WNK2: variants seen among roughly 807,000 people sequenced by gnomAD.
WNK2 encodes WNK lysine deficient protein kinase 2.
Under a neutral mutation model 192.1 loss-of-function variants are expected in WNK2, and 67 were observed. That is an observed-to-expected ratio of 0.35 (90% CI 0.29 to 0.43). WNK2 has a LOEUF of 0.43. Ranked by LOEUF, WNK2 falls within the 20% of genes least tolerant of loss-of-function variation. The pLI is 1.00. For synonymous variants in WNK2, 1,439 were observed against 1,393.9 expected (o/e 1.03, Z -0.72); for missense variants, 2,698 against 3,089.7 (o/e 0.87, Z 3.01).
rs112930978 is a variant in WNK2, at chr9:93,254,396, G to A, written c.2034+1314G>A. On this transcript the variant is annotated intron_variant, in intron 9 of 29. Coordinates refer to ENST00000427277, the MANE Select transcript of WNK2 (RefSeq NM_006648.4). Reference sequence around the variant, plus strand: ...ACTCGCACACTCAGCGCTGTGGCCCGTCTTCTTGATGTCGGCTGAGCGTGG... The same window carrying A: ...ACTCGCACACTCAGCGCTGTGGCCCATCTTCTTGATGTCGGCTGAGCGTGG... Among the ~76,000 whole-genome samples, 206 of 152,328 alleles carry A rather than the reference G, an allele frequency of 1.4e-3. 1 individual carries two copies. Among genetic ancestry groups the A allele is most frequent in the African/African-American group, 4.4e-3 (185 of 41,580 alleles).
chr9:93,284,035 C>G (rs544153885), intron 19 of WNK2, among the ~76,000 whole-genome samples: 1 of 152,286 alleles, frequency 6.6e-6, no homozygotes, highest in South Asian at 2.1e-4. Flanking sequence ...ATGTTTGGAC[C>G]TCTTGGCCTC....
At chr9:93,320,159 T>C (rs1300027109) in intron 29 of WNK2, among the ~76,000 whole-genome samples, 4 of 152,220 alleles carry the variant, frequency 2.6e-5, no homozygotes, top group Non-Finnish European at 5.9e-5. Flanking sequence ...TTCAGTGTGC[T>C]GACTGGTCAC....
In WNK2 at chr9:93,320,275, G is replaced by A. The variant is rs1434472051; in HGVS notation, c.6629-92G>A. On this transcript the variant is annotated intron_variant, in intron 29 of 29. Transcript: ENST00000427277. ...GCAGAGCTGGCGCAGCCTTCCCGTC[G>A]GCAGCTCCTGGGAGGGTGTCAGGGC... is the stretch of plus-strand genomic sequence containing the variant. The A allele has an allele frequency of 2.1e-5, 28 of 1,335,162 alleles. No individual in the cohort carries two copies. In the Admixed American group the frequency reaches 3.3e-4, roughly 16 times the overall value. The allele number at this position is 1,335,162 out of a possible 1,614,324, so 82.7% of individuals were successfully genotyped here. A position where few individuals can be genotyped will look rare whatever the true frequency, so the allele number is the denominator to read the frequency against.
In WNK2 at chr9:93,244,805, C is replaced by G. The variant is rs150401999; in HGVS notation, c.1543-2738C>G. Among the ~76,000 whole-genome samples the G allele has an allele frequency of 3.6e-3, 552 of 152,342 alleles. 3 individuals carry two copies. Among genetic ancestry groups the G allele is most frequent in the African/African-American group, 0.013 (536 of 41,578 alleles). On this transcript the variant is annotated intron_variant, in intron 7 of 29. Transcript: ENST00000427277. ...CTGCCTCGGCCTCCCTGTGAGACCC[C>G]CTAGGGTTGGAGCCCGTTCTCTGAG...
intron 7 of WNK2, among the ~76,000 whole-genome samples, chr9:93,244,957 AC>A (rs1841428431): frequency 6.6e-6 from 1 of 152,030 alleles, no homozygotes. Context: ...GCCAGCGGCA[AC>A]CCTGAGTGTA....
chr9:93,190,108 T>C (rs774911191), intron 2 of WNK2, among the ~76,000 whole-genome samples: 1 of 152,226 alleles, frequency 6.6e-6, no homozygotes, highest in African/African-American at 2.4e-5. Context: ...CTGGGCGAGA[T>C]GTTTTCTGCA....
At chr9:93,238,661 T>C (rs1588110264) in intron 6 of WNK2, among the ~76,000 whole-genome samples, 1 of 152,254 alleles carries the variant, frequency 6.6e-6, no homozygotes, top group African/African-American at 2.4e-5. Flanking sequence ...GGGGCTTCTC[T>C]CCAGCCTCTC....
Position 93,259,515 on chromosome 9 carries a change from AC to A in WNK2, c.2969del (p.Pro990LeufsTer124). On this transcript the variant is annotated frameshift_variant, in exon 12 of 30. Transcript: ENST00000427277. LOFTEE classifies it high-confidence loss of function. The surrounding 1 kb of genome is among the most constrained non-coding windows in gnomAD (Gnocchi z 4.8). ...LPPQPMLPPQ[P>X]VLPPQPALPV... is the part of the protein sequence containing the mutation. ...CCCCGCAACCCATGCTGCCCCCACA[AC>A]CTGTGCTGCCCCCGCAGCCGGCACT... is the stretch of plus-strand genomic sequence containing the variant. 1 of 1,468,892 alleles carries A rather than the reference AC, an allele frequency of 6.8e-7. No individual in the cohort carries two copies. The highest frequency in any genetic ancestry group is 9.1e-7 in the Non-Finnish European group (1 of 1,103,754). The allele number at this position is 1,468,892 out of a possible 1,614,324, so 91.0% of individuals were successfully genotyped here. A position where few individuals can be genotyped will look rare whatever the true frequency, so the allele number is the denominator to read the frequency against.
chr9:93,319,180 G>A (rs1250838670), intron 29 of WNK2: 13 of 1,613,540 alleles, frequency 8.1e-6, no homozygotes, highest in Non-Finnish European at 1.1e-5. Context: ...TATATCTGAA[G>A]GAGAAAAATA....
At chr9:93,237,496 G>A (rs569567921) in intron 5 of WNK2, among the ~76,000 whole-genome samples, 2 of 152,256 alleles carry the variant, frequency 1.3e-5, no homozygotes, top group Admixed American at 6.5e-5. Flanking sequence ...GTTCTATTTG[G>A]TTCTGTTTTT....
chr9:93,187,398 G>A (rs887856535), intron 2 of WNK2, among the ~76,000 whole-genome samples: 2 of 152,134 alleles, frequency 1.3e-5, no homozygotes, highest in Non-Finnish European at 2.9e-5. Context: ...ATATGTTGAT[G>A]TTCCTTGCCA....
At position 93,312,398 on chromosome 9, in the gene WNK2, T is replaced by C. The variant is rs554209208; in HGVS notation, c.6516+3814T>C. Reference sequence around the variant, plus strand: ...TGATTTTTTTTCTTTTTTCCTGAGATTGTGTCTCACTCTGTCGCCAGGCTG... The same window carrying C: ...TGATTTTTTTTCTTTTTTCCTGAGACTGTGTCTCACTCTGTCGCCAGGCTG... On this transcript the variant is annotated intron_variant, in intron 28 of 29. Coordinates refer to ENST00000427277, the MANE Select transcript of WNK2 (RefSeq NM_006648.4). 2.6e-5 allele frequency among the ~76,000 whole-genome samples: 4 copies of C among 152,154 alleles called. No individual in the cohort carries two copies. The South Asian group carries it at 8.3e-4, about 32-fold the overall frequency.
At chr9:93,234,289 C>G (rs776107459) in intron 4 of WNK2, among the ~76,000 whole-genome samples, 1 of 152,210 alleles carries the variant, frequency 6.6e-6, no homozygotes, top group Non-Finnish European at 1.5e-5. Context: ...GTGATGCTGA[C>G]TGTTGTACAT....
chr9:93,205,355 C>T (rs535064216), intron 2 of WNK2, among the ~76,000 whole-genome samples: 1 of 152,192 alleles, frequency 6.6e-6, no homozygotes, highest in African/African-American at 2.4e-5. Context: ...AGCCTATGTG[C>T]AGGTGGGAGC....
At chr9:93,258,298 A>G (rs1156669251) in intron 11 of WNK2, among the ~76,000 whole-genome samples, 1 of 152,230 alleles carries the variant, frequency 6.6e-6, no homozygotes, top group Non-Finnish European at 1.5e-5. Context: ...GAGAAGATAC[A>G]GGCAAGGTTT....
intron 23 of WNK2, among the ~76,000 whole-genome samples, chr9:93,297,056 G>A (rs1182414274): frequency 1.5e-5 from 1 of 68,730 alleles, no homozygotes; most frequent in African/African-American, 6.7e-5. Flanking sequence ...CCTCCCCTCC[G>A]CATCTTCCCC....
chr9:93,254,641 A>G (rs1843030936), intron 9 of WNK2, among the ~76,000 whole-genome samples: 1 of 152,170 alleles, frequency 6.6e-6, no homozygotes, highest in Non-Finnish European at 1.5e-5. Flanking sequence ...AATGAAGTGA[A>G]ATACAATTTT....
chr9:93,188,732 T>C (rs1456636148), intron 2 of WNK2, among the ~76,000 whole-genome samples: 29 of 152,178 alleles, frequency 1.9e-4, no homozygotes, highest in Admixed American at 1.9e-3. Flanking sequence ...GTGTCGGCTC[T>C]GGGAGCGTCT....
chr9:93,224,274 G>A (rs139755441), intron 2 of WNK2, among the ~76,000 whole-genome samples: 10 of 152,310 alleles, frequency 6.6e-5, no homozygotes, highest in South Asian at 4.1e-4. Flanking sequence ...AAGATGCCAC[G>A]GAATCCCAAG....
Sources: gnomAD v4.1 joint callset for allele counts (sites outside exome capture counted in the v4.1 genomes callset) on GRCh38, gnomAD v4.1.1 for gene constraint, Gnocchi (gnomAD v3.1) non-coding constraint, MANE v1.5 for transcripts, NCBI Gene and HGNC (gene_info 2026-07-23, HGNC 2026-07-21) for gene names.